Variants in TMEM108 observed in about 807,000 individuals in gnomAD.
TMEM108 encodes cancer/testis antigen 124.
A neutral mutation model predicts 35.1 loss-of-function variants in TMEM108; 12 were observed. The observed-to-expected ratio is 0.34, with a 90% CI of 0.22 to 0.55. The LOEUF is 0.55. Among genes scored for constraint, TMEM108 ranks in the 20% least tolerant of loss-of-function variants. The pLI is 0.89. For missense variants in TMEM108, 680 were observed against 753.3 expected, an observed-to-expected ratio of 0.90 and a Z score of 1.14; for synonymous variants, 287 against 308.6, an observed-to-expected ratio of 0.93 and a Z score of 0.73.
intron 3 of TMEM108, among the ~76,000 whole-genome samples, chr3:133,368,428 G>C (rs1040459137): frequency 6.6e-5 from 10 of 152,182 alleles, no homozygotes; most frequent in African/African-American, 2.4e-4. Context: ...AGAAATGCAG[G>C]CCAGTTTGCC....
intron 2 of TMEM108, among the ~76,000 whole-genome samples, chr3:133,212,968 T>C (rs888632486): frequency 6.6e-6 from 1 of 151,470 alleles, no homozygotes; most frequent in Non-Finnish European, 1.5e-5. Context: ...CTGCGTTTAA[T>C]ATGCAAAGCA....
chr3:133,310,530 CTTTTTTTTTTTT>C (rs59215786), intron 3 of TMEM108, among the ~76,000 whole-genome samples: 11 of 22,250 alleles, frequency 4.9e-4, no homozygotes, highest in African/African-American at 1.5e-3. Flanking sequence ...GCAACCCCTG[CTTTTTTTTTTTT>C]TTTTTTTTTT....
chr3:133,311,499 G>A (rs144694175), intron 3 of TMEM108, among the ~76,000 whole-genome samples: 17 of 151,976 alleles, frequency 1.1e-4, no homozygotes, highest in Admixed American at 2.6e-4. Context: ...CCACTTGATC[G>A]AATTGGCTAT....
chr3:133,069,615 C>A (rs1053399339), intron 2 of TMEM108, among the ~76,000 whole-genome samples: 2 of 152,130 alleles, frequency 1.3e-5, no homozygotes, highest in Non-Finnish European at 2.9e-5. Flanking sequence ...TTATTTAATA[C>A]CCAAACTCCT....
intron 3 of TMEM108, among the ~76,000 whole-genome samples, chr3:133,238,164 G>A (rs1403468768): frequency 1.3e-5 from 2 of 152,010 alleles, no homozygotes; most frequent in African/African-American, 4.8e-5. Flanking sequence ...GACAAACACA[G>A]TGTGTTCCAG....
chr3:133,295,470 A>T (rs1405068316), intron 3 of TMEM108, among the ~76,000 whole-genome samples: 9 of 152,262 alleles, frequency 5.9e-5, no homozygotes, highest in Admixed American at 5.9e-4. Flanking sequence ...GCAAGTAGTC[A>T]GCATGAAATG....
intron 3 of TMEM108, among the ~76,000 whole-genome samples, chr3:133,333,440 G>C (rs960071009): frequency 4.0e-5 from 6 of 151,844 alleles, no homozygotes; most frequent in Non-Finnish European, 8.8e-5. Context: ...ATACCTTTTG[G>C]CTATAGATAA....
At chr3:133,183,703 T>A (rs1945380117) in intron 2 of TMEM108, among the ~76,000 whole-genome samples, 1 of 152,076 alleles carries the variant, frequency 6.6e-6, no homozygotes. Flanking sequence ...CCTACATTCT[T>A]GTTGAGGCAG....
intron 2 of TMEM108, among the ~76,000 whole-genome samples, chr3:133,206,213 G>C (rs1418509607): frequency 6.6e-6 from 1 of 152,128 alleles, no homozygotes; most frequent in African/African-American, 2.4e-5. Flanking sequence ...CTTTTATCAA[G>C]GTTCTTAGCT....
At chr3:133,252,469 A>G (rs1369941484) in intron 3 of TMEM108, among the ~76,000 whole-genome samples, 2 of 152,172 alleles carry the variant, frequency 1.3e-5, no homozygotes, top group African/African-American at 4.8e-5. Context: ...GCCTGCAACT[A>G]TACATGCACA....
intron 3 of TMEM108, among the ~76,000 whole-genome samples, chr3:133,343,714 A>G (rs2071731612): frequency 6.6e-6 from 1 of 151,888 alleles, no homozygotes; most frequent in South Asian, 2.1e-4. Flanking sequence ...AATGGGCTGT[A>G]CAGTGAAATG....
intron 3 of TMEM108, among the ~76,000 whole-genome samples, chr3:133,303,818 G>A (rs1947264837): frequency 1.3e-5 from 2 of 152,198 alleles, no homozygotes; most frequent in Admixed American, 6.5e-5. Flanking sequence ...AAAGACAAAT[G>A]ATTCTATAGT....
intron 3 of TMEM108, among the ~76,000 whole-genome samples, chr3:133,341,196 T>C (rs2071651232): frequency 6.6e-6 from 1 of 151,778 alleles, no homozygotes; most frequent in Admixed American, 6.6e-5. Flanking sequence ...TTAGAACTGA[T>C]AAATTCAATA....
intron 2 of TMEM108, among the ~76,000 whole-genome samples, chr3:133,135,157 GTTT>G (rs77437437): frequency 4.2e-5 from 6 of 142,714 alleles, no homozygotes; most frequent in African/African-American, 1.5e-4. Context: ...ATCTGCTATC[GTTT>G]TTTTTTTTTT....
chr3:133,194,491 A>C (rs1191207357), intron 2 of TMEM108, among the ~76,000 whole-genome samples: 1 of 152,144 alleles, frequency 6.6e-6, no homozygotes, highest in Non-Finnish European at 1.5e-5. Context: ...TTTTTAAAAA[A>C]TTACCTTCCT....
intron 2 of TMEM108, among the ~76,000 whole-genome samples, chr3:133,210,803 G>C (rs548327907): frequency 6.6e-6 from 1 of 152,054 alleles, no homozygotes; most frequent in Non-Finnish European, 1.5e-5. Flanking sequence ...TTTAATATTG[G>C]CCCAACCTAC....
chr3:133,365,654 C>G (rs2072482435), intron 3 of TMEM108, among the ~76,000 whole-genome samples: 1 of 152,172 alleles, frequency 6.6e-6, no homozygotes, highest in Non-Finnish European at 1.5e-5. Context: ...CTCTGTCTCC[C>G]CACTTCCAAG....
Position 133,073,471 on chromosome 3 carries a change from G to A in TMEM108, c.-47+27451G>A, listed in dbSNP as rs368420177. On this transcript the variant is annotated intron_variant, in intron 2 of 5. Transcript: ENST00000321871. ...ATTCTCTTTTTTTTTTTTTAAGGCTGAATAGTATTCTATTCTCTCTCTCTC... is the reference window on the plus strand; with the variant it reads ...ATTCTCTTTTTTTTTTTTTAAGGCTAAATAGTATTCTATTCTCTCTCTCTC... 5.4e-5 allele frequency among the ~76,000 whole-genome samples: 5 copies of A among 92,682 alleles called. No individual in the cohort carries two copies. In the East Asian group the frequency reaches 8.3e-4, roughly 15 times the overall value. 60.8% of individuals were successfully genotyped at this position (92,682 alleles called of 152,430 possible).
At chr3:133,084,662 T>C (rs1324217298) in intron 2 of TMEM108, among the ~76,000 whole-genome samples, 1 of 152,144 alleles carries the variant, frequency 6.6e-6, no homozygotes, top group East Asian at 1.9e-4. Context: ...CCAGGCACTG[T>C]TCCAAGCACT....
Sources: gnomAD v4.1 joint callset for allele counts (sites outside exome capture counted in the v4.1 genomes callset) on GRCh38, gnomAD v4.1.1 for gene constraint, MANE v1.5 for transcripts, NCBI Gene and HGNC (gene_info 2026-07-23, HGNC 2026-07-21) for gene names.